The following SNX30 variants were observed in gnomAD, a reference collection of about 807,000 sequenced individuals.
The protein encoded by SNX30 is sorting nexin family member 30.
SNX30 carries 24 observed loss-of-function variants against 46.4 expected under a neutral mutation model. The observed-to-expected ratio is 0.52, with a 90% CI of 0.37 to 0.73. SNX30 has a LOEUF of 0.73. Ranked by LOEUF, SNX30 falls within the 30% of genes least tolerant of loss-of-function variation. The pLI, the probability that SNX30 is intolerant of heterozygous loss-of-function variation, is 0.00. For synonymous variants in SNX30, 189 were observed against 211.5 expected (o/e 0.89, Z 0.92); for missense variants, 533 against 555.7 (o/e 0.96, Z 0.41).
Position 112,829,499 on chromosome 9 carries a change from C to T in SNX30, c.460-1226C>T, listed in dbSNP as rs546091530. On this transcript the variant is annotated intron_variant, in intron 3 of 8. Transcript: ENST00000374232. ...GTTTCACCATGTTGCCCAGGCTGGT[C>T]TCGAACTCCTGAGTTGAGGCAATCC... Among the ~76,000 whole-genome samples, 11 of 152,314 alleles carry T rather than the reference C, an allele frequency of 7.2e-5. No individual in the cohort carries two copies. In the South Asian group the frequency reaches 2.3e-3, roughly 32 times the overall value.
At chr9:112,768,867 G>C (rs138989065) in intron 1 of SNX30, among the ~76,000 whole-genome samples, 14 of 152,068 alleles carry the variant, frequency 9.2e-5, no homozygotes, top group Non-Finnish European at 2.9e-5. Flanking sequence ...ATGTTGGCCA[G>C]GCTGGTCTCG....
At chr9:112,784,203 A>C (rs1839885697) in intron 1 of SNX30, among the ~76,000 whole-genome samples, 1 of 151,626 alleles carries the variant, frequency 6.6e-6, no homozygotes, top group Non-Finnish European at 1.5e-5. Context: ...CCTGGCACCT[A>C]CCCCCTAGGT....
rs757449447 is a variant in SNX30, at chr9:112,787,460, C to T, written c.157-17316C>T. Reference sequence around the variant, plus strand: ...TAGGTAGGGTATGGGTGTCACAAATCATTAAATGTGGAAGTACTATACTAG... The same window carrying T: ...TAGGTAGGGTATGGGTGTCACAAATTATTAAATGTGGAAGTACTATACTAG... On this transcript the variant is annotated intron_variant, in intron 1 of 8. Coordinates refer to ENST00000374232, the MANE Select transcript of SNX30 (RefSeq NM_001012994.2). Among the ~76,000 whole-genome samples, 4 of 152,244 alleles carry T rather than the reference C, an allele frequency of 2.6e-5. No homozygotes were observed. In the East Asian group the frequency reaches 7.7e-4, roughly 29 times the overall value.
At chr9:112,839,057 T>G (rs1327653949) in intron 6 of SNX30, among the ~76,000 whole-genome samples, 1 of 152,076 alleles carries the variant, frequency 6.6e-6, no homozygotes, top group Non-Finnish European at 1.5e-5. Context: ...AAGGTGAAAT[T>G]GAAGAAATCT....
downstream of SNX30, chr9:112,879,289 A>C (rs16917440): frequency 0.087 from 13,347 of 154,300 alleles, 621 homozygotes; most frequent in African/African-American, 0.1. Flanking sequence ...CTTACAAAAC[A>C]TCCCTTCCAC....
intron 3 of SNX30, among the ~76,000 whole-genome samples, chr9:112,829,600 G>T (rs555709580): frequency 3.1e-4 from 47 of 152,184 alleles, no homozygotes; most frequent in African/African-American, 1.1e-3. Context: ...AGTTCTTTTG[G>T]GCATAAATCT....
At chr9:112,776,311 G>T (rs1266790091) in intron 1 of SNX30, among the ~76,000 whole-genome samples, 2 of 152,048 alleles carry the variant, frequency 1.3e-5, no homozygotes, top group African/African-American at 4.8e-5. Flanking sequence ...TTGGTTTGAT[G>T]TTCTATATGA....
chr9:112,884,392 G>A (rs1379333387), downstream of SNX30, among the ~76,000 whole-genome samples: 1 of 152,316 alleles, frequency 6.6e-6, no homozygotes, highest in African/African-American at 2.4e-5. Context: ...TGCTCTCCCT[G>A]AAGATTGATG....
intron 4 of SNX30, among the ~76,000 whole-genome samples, chr9:112,831,252 C>T (rs1840655656): frequency 6.6e-6 from 1 of 151,978 alleles, no homozygotes; most frequent in Non-Finnish European, 1.5e-5. Flanking sequence ...TGCCTGTGTC[C>T]ATTAGCATGC....
chr9:112,884,210 T>G (rs1480507509), downstream of SNX30, among the ~76,000 whole-genome samples: 1 of 152,208 alleles, frequency 6.6e-6, no homozygotes, highest in African/African-American at 2.4e-5. Flanking sequence ...CCCCTGGGAT[T>G]GCAAACAGGC....
intron 6 of SNX30, among the ~76,000 whole-genome samples, chr9:112,843,933 A>G (rs995495897): frequency 2.0e-5 from 3 of 152,148 alleles, no homozygotes; most frequent in Non-Finnish European, 4.4e-5. Context: ...CTTTATTCTA[A>G]GGACTAGAAG....
Position 112,830,884 on chromosome 9 carries a change from G to T in SNX30, c.618+1G>T. On this transcript the variant is annotated splice_donor_variant, in intron 4 of 8. Coordinates refer to ENST00000374232, the MANE Select transcript of SNX30 (RefSeq NM_001012994.2). LOFTEE classifies it high-confidence loss of function. ...CTTTAATATTTTCCTTACTGCTAAGGTAAGGGCAGAAATTTACATCCTCTT... is the reference window on the plus strand; with the variant it reads ...CTTTAATATTTTCCTTACTGCTAAGTTAAGGGCAGAAATTTACATCCTCTT... 1 of 1,603,638 alleles carries T rather than the reference G, an allele frequency of 6.2e-7. No homozygotes were observed. The highest frequency in any genetic ancestry group is 8.5e-7 in the Non-Finnish European group (1 of 1,176,690).
chr9:112,827,416 A>G (rs1840593799), intron 3 of SNX30, among the ~76,000 whole-genome samples: 1 of 152,260 alleles, frequency 6.6e-6, no homozygotes, highest in Non-Finnish European at 1.5e-5. Context: ...AGATAAACCC[A>G]GGAAGCATGG....
At chr9:112,805,222 A>AT (rs56049152) in intron 2 of SNX30, among the ~76,000 whole-genome samples, 2 of 151,818 alleles carry the variant, frequency 1.3e-5, no homozygotes, top group African/African-American at 2.4e-5. Flanking sequence ...ACTTGCGCTT[A>AT]TTTTTTTTTT....
intron 4 of SNX30, among the ~76,000 whole-genome samples, chr9:112,832,839 T>TTAATATATAATATATAATAAATATAA (rs1564284927): frequency 6.8e-5 from 10 of 146,484 alleles, no homozygotes; most frequent in Non-Finnish European, 1.5e-4. Flanking sequence ...AATAAATATA[T>TTAATATATAATATATAATAAATATAA]TAATATATAA....
At chr9:112,768,116 G>C (rs1027954448) in intron 1 of SNX30, among the ~76,000 whole-genome samples, 1 of 152,104 alleles carries the variant, frequency 6.6e-6, no homozygotes, top group Non-Finnish European at 1.5e-5. Flanking sequence ...CATTGCTTAC[G>C]CAGTAATGGT....
chr9:112,770,469 C>A (rs1317932873), intron 1 of SNX30, among the ~76,000 whole-genome samples: 1 of 151,932 alleles, frequency 6.6e-6, no homozygotes, highest in East Asian at 2.0e-4. Flanking sequence ...CCGCGCCTGG[C>A]CTCTTTTTTG....
At chr9:112,884,877 G>C (rs1463955052), downstream of SNX30, among the ~76,000 whole-genome samples, 1 of 152,192 alleles carries the variant, frequency 6.6e-6, no homozygotes, top group Non-Finnish European at 1.5e-5. Flanking sequence ...AATAAAATTG[G>C]ACTGGATAAT....
At chr9:112,772,913 G>A (rs1055190170) in intron 1 of SNX30, among the ~76,000 whole-genome samples, 1 of 152,144 alleles carries the variant, frequency 6.6e-6, no homozygotes, top group African/African-American at 2.4e-5. Context: ...TGATTTATTC[G>A]TGAATCAAGG....
Sources: gnomAD v4.1 joint callset for allele counts (sites outside exome capture counted in the v4.1 genomes callset) on GRCh38, gnomAD v4.1.1 for gene constraint, MANE v1.5 for transcripts, NCBI Gene and HGNC (gene_info 2026-07-23, HGNC 2026-07-21) for gene names.